Variants in TEKTL1 observed in about 807,000 individuals in gnomAD.
TEKTL1 encodes the protein tektin like 1.
At chr19:15,011,620 G>T in the TEKTL1 span, among the ~76,000 whole-genome samples, 1 of 151,914 alleles carries the variant, frequency 6.6e-6, no homozygotes, top group Admixed American at 6.6e-5. Context: ...TGTAATCTCA[G>T]CTACTTGGGA....
At chr19:15,023,197 C>A in the TEKTL1 span, 110 of 1,311,572 alleles carry the variant, frequency 8.4e-5, no homozygotes, top group Non-Finnish European at 1.0e-4. Context: ...GCCCCATGGC[C>A]CTCCCTCTCC....
the TEKTL1 span, among the ~76,000 whole-genome samples, chr19:15,018,509 G>C: frequency 6.6e-6 from 1 of 151,226 alleles, no homozygotes; most frequent in Middle Eastern, 3.2e-3. Flanking sequence ...AGGAGTTTGA[G>C]ACAAGCCTGG....
chr19:15,017,239 G>A, the TEKTL1 span, among the ~76,000 whole-genome samples: 10 of 151,964 alleles, frequency 6.6e-5, no homozygotes, highest in African/African-American at 2.4e-4. Flanking sequence ...AGGAAGGAAG[G>A]ACTAAAACAG....
chr19:15,020,494 T>G, the TEKTL1 span: 1 of 1,613,578 alleles, frequency 6.2e-7, no homozygotes, highest in East Asian at 2.2e-5. Context: ...TCTGAACTTC[T>G]GCTTCAAGGA....
chr19:15,021,217 G>A, the TEKTL1 span: 37 of 1,084,736 alleles, frequency 3.4e-5, no homozygotes, highest in South Asian at 4.7e-4. Flanking sequence ...TATCCCCCGC[G>A]CCCCCTGGAC....
At chr19:15,020,401 G>T in the TEKTL1 span, 1,229,880 of 1,453,950 alleles carry the variant, frequency 0.85, 521,614 homozygotes, top group East Asian at 0.87. Flanking sequence ...GAAATCACTT[G>T]CATCCACTTC....
chr19:15,011,243 C>G, the TEKTL1 span: 603 of 1,498,518 alleles, frequency 4.0e-4, 3 homozygotes, highest in African/African-American at 8.1e-3. Flanking sequence ...CGCCGCCCGC[C>G]TCGGCCGCGC....
the TEKTL1 span, chr19:15,011,196 A>T: frequency 2.0e-6 from 3 of 1,479,302 alleles, no homozygotes; most frequent in South Asian, 4.1e-5. Flanking sequence ...CAGACCACCG[A>T]GGTGGTGCAC....
the TEKTL1 span, among the ~76,000 whole-genome samples, chr19:15,015,067 G>T: frequency 6.6e-6 from 1 of 152,278 alleles, no homozygotes; most frequent in Admixed American, 6.5e-5. Flanking sequence ...GCAAGTGCCT[G>T]CAGTCCCTAT....
chr19:15,023,087 C>A, the TEKTL1 span: 1 of 1,608,300 alleles, frequency 6.2e-7, no homozygotes, highest in East Asian at 2.2e-5. Context: ...GCGCACGCCG[C>A]CGCCGCGCAG....
the TEKTL1 span, chr19:15,022,861 C>A: frequency 6.3e-7 from 1 of 1,581,022 alleles, no homozygotes; most frequent in Non-Finnish European, 8.6e-7. Context: ...CTGCCCTGCT[C>A]CCTATCCAGG....
At chr19:15,018,372 A>G in the TEKTL1 span, among the ~76,000 whole-genome samples, 123,827 of 151,726 alleles carry the variant, frequency 0.82, 50,813 homozygotes, top group East Asian at 0.86. Flanking sequence ...TATGCACAGT[A>G]CCATAAACAG....
the TEKTL1 span, chr19:15,010,825 C>A: frequency 6.5e-7 from 1 of 1,533,530 alleles, no homozygotes; most frequent in South Asian, 1.2e-5. Context: ...AAGCAGGGAC[C>A]ATGCGCGTGT....
chr19:15,017,444 G>A, the TEKTL1 span, among the ~76,000 whole-genome samples: 1 of 152,102 alleles, frequency 6.6e-6, no homozygotes, highest in African/African-American at 2.4e-5. Flanking sequence ...AATATGATAT[G>A]CTTCATTTTA....
the TEKTL1 span, among the ~76,000 whole-genome samples, chr19:15,016,283 G>A: frequency 7.0e-6 from 1 of 143,440 alleles, no homozygotes; most frequent in South Asian, 2.3e-4. Context: ...TCTGCCTTCC[G>A]AGTTCAAGCA....
the TEKTL1 span, chr19:15,011,205 A>T: frequency 6.8e-7 from 1 of 1,473,502 alleles, no homozygotes; most frequent in South Asian, 1.4e-5. Flanking sequence ...GAGGTGGTGC[A>T]CGCGCACGCG....
chr19:15,011,127 A>G, the TEKTL1 span: 1 of 1,536,742 alleles, frequency 6.5e-7, no homozygotes, highest in Non-Finnish European at 8.7e-7. Context: ...GGCAAGATGA[A>G]GCCGCCCGCC....
the TEKTL1 span, chr19:15,021,604 C>G: frequency 6.2e-7 from 1 of 1,613,716 alleles, no homozygotes; most frequent in Non-Finnish European, 8.5e-7. Flanking sequence ...CCCTGCGCTT[C>G]CCTGCCCCCA....
chr19:15,011,106 C>A, the TEKTL1 span: 1 of 1,563,002 alleles, frequency 6.4e-7, no homozygotes, highest in Non-Finnish European at 8.6e-7. Flanking sequence ...GAGGGCGTCA[C>A]GCTGTGGAAG....
Sources: gnomAD v4.1 joint callset for allele counts (sites outside exome capture counted in the v4.1 genomes callset) on GRCh38, gnomAD v4.1.1 for gene constraint, MANE v1.5 for transcripts, NCBI Gene and HGNC (gene_info 2026-07-23, HGNC 2026-07-21) for gene names.